FAM227B: variants seen among roughly 807,000 people sequenced by gnomAD.
The protein encoded by FAM227B is family with sequence similarity 227 member B.
In FAM227B, 88 loss-of-function variants were observed where a neutral mutation model predicts 73.8. The ratio of observed to expected loss-of-function variants is 1.19; its 90% confidence interval spans 1.00 to 1.42. FAM227B has a LOEUF of 1.42. Ranked by LOEUF, FAM227B falls within the 40% of genes most tolerant of loss-of-function variation. The pLI, the probability that FAM227B is intolerant of heterozygous loss-of-function variation, is 0.00. For missense variants in FAM227B, 632 were observed against 590.9 expected (o/e 1.07, Z -0.72); for synonymous variants, 210 against 190.5 (o/e 1.10, Z -0.84).
At chr15:49,592,875 C>G (rs894847325) in intron 3 of FAM227B, among the ~76,000 whole-genome samples, 1 of 152,190 alleles carries the variant, frequency 6.6e-6, no homozygotes, top group Non-Finnish European at 1.5e-5. Flanking sequence ...ACTTTGTTTA[C>G]CTACTCAAGC....
intron 3 of FAM227B, among the ~76,000 whole-genome samples, chr15:49,596,942 A>T (rs2076920346): frequency 6.6e-6 from 1 of 152,056 alleles, no homozygotes; most frequent in Non-Finnish European, 1.5e-5. Flanking sequence ...ATATATATGC[A>T]CCTAAAACTG....
At chr15:49,611,289 T>C (rs547389489) in intron 2 of FAM227B, 21 bp from the exon 3 acceptor site, 17 of 1,445,730 alleles carry the variant, frequency 1.2e-5, no homozygotes, top group South Asian at 9.5e-5. Flanking sequence ...AATATCAACA[T>C]TGTTCATTGG....
At position 49,588,019 on chromosome 15, in the gene FAM227B, T is replaced by C. The variant is rs143539780; in HGVS notation, c.402A>G (p.Ile134Met). 41 of 1,456,964 alleles carry C rather than the reference T, an allele frequency of 2.8e-5. No individual in the cohort carries two copies. In the African/African-American group the frequency reaches 5.6e-4, roughly 20 times the overall value. 90.3% of individuals were successfully genotyped at this position (1,456,964 alleles called of 1,614,324 possible). The part of the protein sequence containing the change: ...FLKKYHKKKK[I>M]MLSDEMETEK... ...GATAAAAACATAGATACCATACCAT[T>C]ATCTTTTTTTTCTTATGGTACTTCT... Residue 134 changes from isoleucine to methionine, a missense_variant, in exon 5 of 16, where the codon ATA (isoleucine) becomes ATG (methionine). Coordinates refer to ENST00000299338, the MANE Select transcript of FAM227B (RefSeq NM_152647.3).
At chr15:49,487,591 C>T (rs28669217) in intron 11 of FAM227B, 27,946 of 151,530 alleles carry the variant, frequency 0.18, 3,170 homozygotes, top group Non-Finnish European at 0.25. Context: ...TAAAGATGTG[C>T]GAGGGGACCT....
intron 11 of FAM227B, among the ~76,000 whole-genome samples, chr15:49,414,409 G>A (rs2049071981): frequency 6.6e-6 from 1 of 151,734 alleles, no homozygotes; most frequent in African/African-American, 2.4e-5. Context: ...GGGGGAGGGA[G>A]GGGGGAAATC....
intron 3 of FAM227B, among the ~76,000 whole-genome samples, chr15:49,600,249 T>C (rs1277354202): frequency 2.0e-5 from 3 of 152,180 alleles, no homozygotes; most frequent in South Asian, 4.1e-4. Flanking sequence ...TTTATTACCA[T>C]TGCATAAATT....
chr15:49,554,857 T>C (rs1244533891), intron 9 of FAM227B, among the ~76,000 whole-genome samples: 3 of 152,228 alleles, frequency 2.0e-5, no homozygotes, highest in Non-Finnish European at 2.9e-5. Flanking sequence ...AGGTTTCTAT[T>C]CTGCCATTGT....
chr15:49,576,502 T>C, intron 7 of FAM227B: 1 of 347,428 alleles, frequency 2.9e-6, no homozygotes, highest in Non-Finnish European at 5.2e-6. Flanking sequence ...CTGTTACGGT[T>C]ACATGCCAAG....
At chr15:49,570,338 C>T (rs1020513363) in intron 8 of FAM227B, among the ~76,000 whole-genome samples, 1 of 151,884 alleles carries the variant, frequency 6.6e-6, no homozygotes, top group South Asian at 2.1e-4. Context: ...AAATCTCACA[C>T]ATCAAACAGT....
chr15:49,593,034 C>T (rs895020031), intron 3 of FAM227B, among the ~76,000 whole-genome samples: 2 of 152,172 alleles, frequency 1.3e-5, no homozygotes, highest in Non-Finnish European at 2.9e-5. Flanking sequence ...TTGCTAATAC[C>T]GTGGGAAAGG....
chr15:49,446,042 T>C (rs887282517), intron 11 of FAM227B, among the ~76,000 whole-genome samples: 3 of 151,562 alleles, frequency 2.0e-5, no homozygotes, highest in African/African-American at 7.2e-5. Flanking sequence ...TTCTTGTACA[T>C]TAAAACTATG....
chr15:49,351,417 G>C (rs1756089461), intron 13 of FAM227B, among the ~76,000 whole-genome samples: 1 of 152,136 alleles, frequency 6.6e-6, no homozygotes, highest in South Asian at 2.1e-4. Context: ...CAGCAAATGA[G>C]ATCTTACCAT....
At chr15:49,609,017 A>C (rs1184428121) in intron 3 of FAM227B, among the ~76,000 whole-genome samples, 1 of 152,006 alleles carries the variant, frequency 6.6e-6, no homozygotes, top group African/African-American at 2.4e-5. Context: ...CCTTAAGAGT[A>C]GAATCTTTTG....
At chr15:49,371,459 G>A (rs2045800049) in intron 11 of FAM227B, 60 bp from the exon 12 acceptor site, 1 of 991,660 alleles carries the variant, frequency 1.0e-6, no homozygotes. Context: ...CACAGAAAAA[G>A]CATGATACCT....
intron 11 of FAM227B, among the ~76,000 whole-genome samples, chr15:49,461,550 CTT>C (rs1488082837): frequency 3.3e-5 from 5 of 152,184 alleles, no homozygotes; most frequent in Non-Finnish European, 7.3e-5. Context: ...TTGTCTATCT[CTT>C]TGAAAGAGCC....
At chr15:49,546,826 G>A (rs1441085872) in intron 9 of FAM227B, among the ~76,000 whole-genome samples, 2 of 152,160 alleles carry the variant, frequency 1.3e-5, no homozygotes, top group East Asian at 3.8e-4. Context: ...TGAAAGTGAT[G>A]GGGAGAATAG....
At chr15:49,522,761 G>C (rs1460681193) in intron 10 of FAM227B, among the ~76,000 whole-genome samples, 3 of 152,162 alleles carry the variant, frequency 2.0e-5, no homozygotes, top group African/African-American at 7.2e-5. Flanking sequence ...TTTTTAAAAT[G>C]AAAGAAGTCT....
chr15:49,556,103 A>G (rs958032053), intron 9 of FAM227B, among the ~76,000 whole-genome samples: 10 of 152,132 alleles, frequency 6.6e-5, no homozygotes, highest in African/African-American at 2.4e-4. Flanking sequence ...CTGATTAAGA[A>G]CCATTATTGG....
chr15:49,560,605 A>T (rs2074170089), intron 9 of FAM227B, among the ~76,000 whole-genome samples: 1 of 152,208 alleles, frequency 6.6e-6, no homozygotes, highest in Non-Finnish European at 1.5e-5. Flanking sequence ...TGCTAATAAA[A>T]GTATCTTATA....
Sources: allele counts gnomAD v4.1 joint callset (sites outside exome capture counted in the v4.1 genomes callset), GRCh38; gene constraint gnomAD v4.1.1; transcripts MANE v1.5; gene names NCBI Gene and HGNC (gene_info 2026-07-23, HGNC 2026-07-21).